Variants in NUP210 observed in about 807,000 individuals in gnomAD.
NUP210 encodes nucleoporin 210.
In NUP210, 151 loss-of-function variants were observed where a neutral mutation model predicts 196.0. That is an observed-to-expected ratio of 0.77 (90% CI 0.67 to 0.88). NUP210 has a LOEUF of 0.88. NUP210 is among the 40% of genes least tolerant of loss of function. The pLI is 0.00. For missense variants in NUP210, 2,314 were observed against 2,493.7 expected, an observed-to-expected ratio of 0.93 and a Z score of 1.53; for synonymous variants, 1,070 against 1,052.7, an observed-to-expected ratio of 1.02 and a Z score of -0.32.
At chr3:13,344,880 C>G (rs1697660417) in intron 20 of NUP210, 1 of 971,482 alleles carries the variant, frequency 1.0e-6, no homozygotes, top group Non-Finnish European at 1.2e-6. Flanking sequence ...CCAAGTCATC[C>G]TCCAGGCCCA....
rs956046367 is a variant in NUP210, at chr3:13,347,076, A to C, written c.2836-3773T>G. On this transcript the variant is annotated intron_variant, in intron 20 of 39. Coordinates refer to ENST00000254508, the MANE Select transcript of NUP210 (RefSeq NM_024923.4). This position sits in a 1 kb window ranked among gnomAD's most constrained non-coding sequence, Gnocchi z 4.7. Reference sequence around the variant, plus strand: ...GCCACCCACTCCCCACTCATCCTGGACACATGTCCTCACCTGAACAATGGC... The same window carrying C: ...GCCACCCACTCCCCACTCATCCTGGCCACATGTCCTCACCTGAACAATGGC... 26 of 985,292 alleles carry C rather than the reference A, an allele frequency of 2.6e-5. No homozygotes were observed. The highest frequency in any genetic ancestry group is 2.9e-5 in the Non-Finnish European group (24 of 829,918). 61.0% of individuals were successfully genotyped at this position (985,292 alleles called of 1,614,324 possible).
intron 16 of NUP210, chr3:13,354,467 C>A: frequency 4.8e-6 from 1 of 207,074 alleles, no homozygotes. Flanking sequence ...CACAGGACAG[C>A]CCCCCACAGG....
Position 13,347,067 on chromosome 3 carries a change from T to G in NUP210, c.2836-3764A>C. 1 of 985,238 alleles carries G rather than the reference T, an allele frequency of 1.0e-6. No homozygotes were observed. Among genetic ancestry groups the G allele is most frequent in the Non-Finnish European group, 1.2e-6 (1 of 829,830 alleles). The allele number at this position is 985,238 out of a possible 1,614,324, so 61.0% of individuals were successfully genotyped here. A position where few individuals can be genotyped will look rare whatever the true frequency, so the allele number is the denominator to read the frequency against. The stretch of plus-strand genomic sequence containing the variant: ...CCTGCAATTGCCACCCACTCCCCAC[T>G]CATCCTGGACACATGTCCTCACCTG... On this transcript the variant is annotated intron_variant, in intron 20 of 39. Coordinates refer to ENST00000254508, the MANE Select transcript of NUP210 (RefSeq NM_024923.4). The surrounding 1 kb of genome is among the most constrained non-coding windows in gnomAD (Gnocchi z 4.7).
chr3:13,328,655 C>G, intron 31 of NUP210, 116 bp downstream of exon 31: 1 of 1,006,106 alleles, frequency 9.9e-7, no homozygotes, highest in East Asian at 2.4e-5. Flanking sequence ...CTCTTGGAAA[C>G]TGAAGTAATA....
intron 32 of NUP210, 75 bp downstream of exon 32, chr3:13,327,142 C>G (rs1696790026): frequency 8.1e-7 from 1 of 1,235,226 alleles, no homozygotes; most frequent in African/African-American, 1.5e-5. Context: ...TGCCGAGCCC[C>G]TGCCCAGGTA....
intron 21 of NUP210, among the ~76,000 whole-genome samples, chr3:13,342,393 C>G (rs944998794): frequency 6.6e-6 from 1 of 152,230 alleles, no homozygotes; most frequent in Admixed American, 6.5e-5. Flanking sequence ...CCACTTAGAA[C>G]AGCAGCATCC....
chr3:13,404,130 C>G (rs73024193), intron 1 of NUP210, among the ~76,000 whole-genome samples: 2,402 of 152,328 alleles, frequency 0.016, 29 homozygotes, highest in Non-Finnish European at 0.025. Context: ...TTTGAGCCCA[C>G]CCATAGCTTT....
rs552352931 is a variant in NUP210 at position 13,409,311 on chromosome 3, C to T, written c.168-9450G>A. Among the ~76,000 whole-genome samples the T allele has an allele frequency of 3.9e-5, 6 of 152,280 alleles. No homozygotes were observed. In the South Asian group the frequency reaches 6.2e-4, roughly 16 times the overall value. On this transcript the variant is annotated intron_variant, in intron 1 of 39. Coordinates refer to ENST00000254508, the MANE Select transcript of NUP210 (RefSeq NM_024923.4). ...GTGTTAACAGGTGGGGCTTTTGGTG[C>T]GTGATTAGGTCATGATGTCTGAGCC...
At chr3:13,404,755 C>G (rs975708178) in intron 1 of NUP210, among the ~76,000 whole-genome samples, 2 of 152,188 alleles carry the variant, frequency 1.3e-5, no homozygotes, top group African/African-American at 4.8e-5. Flanking sequence ...TAGAAAAACC[C>G]TATAGGTGTC....
chr3:13,337,145 A>C (rs1261854584), intron 26 of NUP210: 2 of 431,060 alleles, frequency 4.6e-6, no homozygotes, highest in Non-Finnish European at 8.6e-6. Context: ...GCACCTCTCC[A>C]TGGCCAAGAT....
chr3:13,419,184 C>T (rs1700449480), intron 1 of NUP210, among the ~76,000 whole-genome samples: 1 of 152,196 alleles, frequency 6.6e-6, no homozygotes, highest in Non-Finnish European at 1.5e-5. Context: ...GGAGCAACTA[C>T]TGAGCATCCT....
At chr3:13,321,007 G>A (rs576877450) in intron 36 of NUP210, among the ~76,000 whole-genome samples, 51 of 152,316 alleles carry the variant, frequency 3.3e-4, no homozygotes, top group Non-Finnish European at 5.6e-4. Flanking sequence ...CCTCATCAGC[G>A]ATGCTGAGCA....
chr3:13,333,796 A>AT (rs898203563), intron 28 of NUP210, among the ~76,000 whole-genome samples: 42 of 151,532 alleles, frequency 2.8e-4, no homozygotes, highest in Middle Eastern at 3.4e-3. Context: ...GATTCCTTCT[A>AT]TTTTTTTTTA....
intron 16 of NUP210, among the ~76,000 whole-genome samples, chr3:13,357,551 A>C (rs753556805): frequency 1.1e-4 from 16 of 151,700 alleles, no homozygotes; most frequent in Non-Finnish European, 1.6e-4. Flanking sequence ...CTGCTCACCC[A>C]CCTCCTCTGA....
At chr3:13,332,268 T>G in intron 29 of NUP210, 25 bp downstream of exon 29, 1 of 1,595,226 alleles carries the variant, frequency 6.3e-7, no homozygotes, top group Non-Finnish European at 8.6e-7. Context: ...ACAACTTTGC[T>G]GGAAACAAGA....
intron 36 of NUP210, among the ~76,000 whole-genome samples, chr3:13,320,587 A>G (rs1464508129): frequency 2.1e-5 from 3 of 141,524 alleles, no homozygotes; most frequent in Non-Finnish European, 4.5e-5. Flanking sequence ...GAGCCAAGAT[A>G]GTGCCACTGC....
intron 20 of NUP210, among the ~76,000 whole-genome samples, chr3:13,343,659 G>A (rs576927209): frequency 3.9e-5 from 6 of 152,320 alleles, no homozygotes; most frequent in Admixed American, 2.0e-4. Context: ...GCCTTGGGAC[G>A]TGCACCAACT....
chr3:13,391,543 G>A (rs1699493318), intron 3 of NUP210, among the ~76,000 whole-genome samples: 1 of 151,254 alleles, frequency 6.6e-6, no homozygotes, highest in Admixed American at 6.6e-5. Flanking sequence ...AGGGCTGTCC[G>A]ATGAAAGCTT....
intron 1 of NUP210, among the ~76,000 whole-genome samples, chr3:13,408,171 C>A (rs1023235485): frequency 1.3e-5 from 2 of 152,176 alleles, no homozygotes; most frequent in Admixed American, 6.5e-5. Context: ...ATGGTCATTA[C>A]ACTGATTTTT....
Sources: allele counts gnomAD v4.1 joint callset (sites outside exome capture counted in the v4.1 genomes callset), GRCh38; gene constraint gnomAD v4.1.1; non-coding constraint Gnocchi (gnomAD v3.1); transcripts MANE v1.5; gene names NCBI Gene and HGNC (gene_info 2026-07-23, HGNC 2026-07-21).